Variants in MACROD2 observed in about 807,000 individuals in gnomAD.
MACROD2 encodes the protein mono-ADP ribosylhydrolase 2, also known as ADP-ribose glycohydrolase MACROD2.
Under a neutral mutation model 70.4 loss-of-function variants are expected in MACROD2, and 36 were observed. The ratio of observed to expected loss-of-function variants is 0.51; its 90% CI spans 0.39 to 0.68. The LOEUF is 0.68. Ranked by LOEUF, MACROD2 falls within the 30% of genes least tolerant of loss-of-function variation. MACROD2 has a pLI of 0.00. For synonymous variants in MACROD2, 172 were observed against 178.8 expected, an observed-to-expected ratio of 0.96 and a Z score of 0.30; for missense variants, 496 against 538.4, an observed-to-expected ratio of 0.92 and a Z score of 0.78.
At chr20:14,939,273 G>A (rs75919004) in intron 5 of MACROD2, among the ~76,000 whole-genome samples, 5,525 of 151,852 alleles carry the variant, frequency 0.036, 336 homozygotes, top group East Asian at 0.19. Context: ...TTTTATATAT[G>A]GTGAGAGATA....
At chr20:14,019,599 G>A (rs1601120343) in intron 2 of MACROD2, among the ~76,000 whole-genome samples, 1 of 151,956 alleles carries the variant, frequency 6.6e-6, no homozygotes, top group Non-Finnish European at 1.5e-5. Context: ...AAAGTAGTTT[G>A]GTGGGCAGGG....
At chr20:15,371,671 A>C in intron 6 of MACROD2, among the ~76,000 whole-genome samples, 1 of 152,160 alleles carries the variant, frequency 6.6e-6, no homozygotes, top group East Asian at 1.9e-4. Flanking sequence ...CAATTAATCT[A>C]GGGGGATAGC....
chr20:14,519,514 G>A (rs916382809), intron 4 of MACROD2, among the ~76,000 whole-genome samples: 9 of 152,134 alleles, frequency 5.9e-5, no homozygotes, highest in African/African-American at 1.9e-4. Context: ...AAGCCACAAT[G>A]AGATACCATC....
intron 6 of MACROD2, among the ~76,000 whole-genome samples, chr20:15,335,368 T>C (rs913191864): frequency 3.3e-5 from 5 of 151,802 alleles, no homozygotes; most frequent in Non-Finnish European, 7.3e-5. Context: ...GGTTTTTTTT[T>C]CCATCTATTA....
At chr20:15,125,431 T>C (rs1362142830) in intron 5 of MACROD2, among the ~76,000 whole-genome samples, 1 of 152,114 alleles carries the variant, frequency 6.6e-6, no homozygotes, top group East Asian at 1.9e-4. Flanking sequence ...TGTGATTAGA[T>C]TGGACAAATA....
intron 6 of MACROD2, among the ~76,000 whole-genome samples, chr20:15,375,997 TC>T (rs1375490210): frequency 2.0e-5 from 3 of 152,146 alleles, no homozygotes; most frequent in Non-Finnish European, 2.9e-5. Flanking sequence ...ATCTCAGTGC[TC>T]CTTAAGCATT....
chr20:15,789,963 A>AAAAAG (rs2063609639), intron 8 of MACROD2, among the ~76,000 whole-genome samples: 1 of 151,998 alleles, frequency 6.6e-6, no homozygotes, highest in Non-Finnish European at 1.5e-5. Context: ...AAGGTATAGC[A>AAAAAG]AAAAGAAATT....
chr20:15,949,654 C>G (rs532947143), intron 12 of MACROD2, among the ~76,000 whole-genome samples: 1 of 152,252 alleles, frequency 6.6e-6, no homozygotes, highest in African/African-American at 2.4e-5. Flanking sequence ...TCCATTGGTG[C>G]CTTCCATAGA....
At chr20:15,156,528 T>A (rs2076308029) in intron 5 of MACROD2, among the ~76,000 whole-genome samples, 1 of 152,132 alleles carries the variant, frequency 6.6e-6, no homozygotes, top group African/African-American at 2.4e-5. Context: ...TTTAAGACAC[T>A]CTCTGATAAA....
intron 8 of MACROD2, among the ~76,000 whole-genome samples, chr20:15,696,016 G>A (rs551893709): frequency 8.5e-5 from 13 of 152,224 alleles, no homozygotes; most frequent in African/African-American, 3.1e-4. Flanking sequence ...CCTCTTTACC[G>A]ATTTGGATGC....
At chr20:15,773,096 G>C (rs2051664381) in intron 8 of MACROD2, among the ~76,000 whole-genome samples, 1 of 152,106 alleles carries the variant, frequency 6.6e-6, no homozygotes, top group Non-Finnish European at 1.5e-5. Context: ...AGCCCTACCA[G>C]ATAATCAGGA....
At chr20:14,254,086 G>C (rs999684113) in intron 3 of MACROD2, among the ~76,000 whole-genome samples, 1 of 151,728 alleles carries the variant, frequency 6.6e-6, no homozygotes, top group Non-Finnish European at 1.5e-5. Flanking sequence ...TTAACATGGA[G>C]GACATTTGTT....
chr20:14,957,229 A>G (rs2074544998), intron 5 of MACROD2, among the ~76,000 whole-genome samples: 1 of 152,094 alleles, frequency 6.6e-6, no homozygotes. Flanking sequence ...TGATCTATAT[A>G]TATGCCATTC....
intron 5 of MACROD2, among the ~76,000 whole-genome samples, chr20:15,017,441 G>A (rs2075130359): frequency 1.3e-5 from 2 of 152,154 alleles, no homozygotes; most frequent in Admixed American, 6.5e-5. Flanking sequence ...TCACGGGCTG[G>A]CATTGAGTGT....
chr20:14,641,787 C>T (rs1468630607), intron 4 of MACROD2, among the ~76,000 whole-genome samples: 1 of 152,200 alleles, frequency 6.6e-6, no homozygotes, highest in Non-Finnish European at 1.5e-5. Context: ...GATATGCTGT[C>T]ATCCAGACTT....
At chr20:15,331,603 A>G (rs2146191582) in intron 6 of MACROD2, among the ~76,000 whole-genome samples, 1 of 151,890 alleles carries the variant, frequency 6.6e-6, no homozygotes, top group African/African-American at 2.4e-5. Context: ...ATAAGCTCTA[A>G]ACCATATAAA....
chr20:14,635,288 CT>C lies in MACROD2; in HGVS notation c.302-49552del, dbSNP rs1409966443. On this transcript the variant is annotated intron_variant, in intron 4 of 17. Transcript: ENST00000684519. Reference sequence around the variant, plus strand: ...ATTATTGCTTGACTTCTTCCCAATGCTTTCACTCATCTTGTCATGGTTTGGG... The same window carrying C: ...ATTATTGCTTGACTTCTTCCCAATGCTTCACTCATCTTGTCATGGTTTGGG... Among the ~76,000 whole-genome samples, 16 of 152,282 alleles carry C rather than the reference CT, an allele frequency of 1.1e-4. 1 individual carries two copies. The highest frequency in any genetic ancestry group is 3.9e-4 in the African/African-American group (16 of 41,546).
chr20:15,408,141 T>C (rs1008667047), intron 6 of MACROD2, among the ~76,000 whole-genome samples: 1 of 152,212 alleles, frequency 6.6e-6, no homozygotes, highest in African/African-American at 2.4e-5. Context: ...GAGGAGTCCA[T>C]GAATTTAAAA....
At chr20:14,333,634 A>G (rs1322470728) in intron 3 of MACROD2, among the ~76,000 whole-genome samples, 1 of 152,174 alleles carries the variant, frequency 6.6e-6, no homozygotes, top group African/African-American at 2.4e-5. Flanking sequence ...CCTTTTTAAC[A>G]GTGTGGGTAC....
Sources: gnomAD v4.1 joint callset for allele counts (sites outside exome capture counted in the v4.1 genomes callset) on GRCh38, gnomAD v4.1.1 for gene constraint, MANE v1.5 for transcripts, NCBI Gene and HGNC (gene_info 2026-07-23, HGNC 2026-07-21) for gene names.